The following HACL1 variants were observed in gnomAD, a reference collection of about 807,000 sequenced individuals.
The protein encoded by HACL1 is 1600020H07Rik.
Under a neutral mutation model 74.2 loss-of-function variants are expected in HACL1, and 64 were observed. The ratio of observed to expected loss-of-function variants is 0.86; its 90% CI spans 0.70 to 1.06. The LOEUF (loss-of-function observed/expected upper bound fraction) is 1.06. HACL1 is among the 50% of genes least tolerant of loss of function. HACL1 has a pLI of 0.00. For missense variants in HACL1, 728 were observed against 719.7 expected (o/e 1.01, Z -0.13); for synonymous variants, 230 against 238.8 (o/e 0.96, Z 0.34).
At chr3:15,574,292 C>T (rs963864482) in intron 10 of HACL1, among the ~76,000 whole-genome samples, 6 of 152,154 alleles carry the variant, frequency 3.9e-5, no homozygotes, top group African/African-American at 7.2e-5. Flanking sequence ...CACTTAAGCT[C>T]GAGAGGTTGA....
intron 10 of HACL1, among the ~76,000 whole-genome samples, chr3:15,573,471 AT>A (rs2063571769): frequency 6.6e-6 from 1 of 152,206 alleles, no homozygotes; most frequent in African/African-American, 2.4e-5. Context: ...ACTCTATGGA[AT>A]TTTGGTATTG....
chr3:15,600,601 C>A (rs1410641858), intron 2 of HACL1, among the ~76,000 whole-genome samples: 1 of 152,232 alleles, frequency 6.6e-6, no homozygotes, highest in Non-Finnish European at 1.5e-5. Flanking sequence ...ATCCTCCACC[C>A]TGCCCCGAAC....
At chr3:15,578,116 A>C (rs1316535372) in intron 9 of HACL1, among the ~76,000 whole-genome samples, 1 of 151,320 alleles carries the variant, frequency 6.6e-6, no homozygotes, top group Non-Finnish European at 1.5e-5. Flanking sequence ...AAAAAAAAAA[A>C]AACCAAAAAC....
At chr3:15,578,660 G>C (rs569598231) in intron 9 of HACL1, among the ~76,000 whole-genome samples, 1 of 152,234 alleles carries the variant, frequency 6.6e-6, no homozygotes, top group African/African-American at 2.4e-5. Context: ...TCCAAGCTCT[G>C]CTCTGAGGGC....
At chr3:15,598,016 G>T (rs974535937) in intron 2 of HACL1, among the ~76,000 whole-genome samples, 2 of 150,202 alleles carry the variant, frequency 1.3e-5, no homozygotes, top group Admixed American at 6.8e-5. Flanking sequence ...ATTTTGTTTT[G>T]TTTTGTTTTT....
intron 9 of HACL1, among the ~76,000 whole-genome samples, chr3:15,576,403 T>C (rs1230650509): frequency 3.3e-5 from 5 of 152,142 alleles, no homozygotes; most frequent in African/African-American, 1.2e-4. Context: ...AATTGCTTTC[T>C]AAAATATTAC....
chr3:15,566,403 T>C (rs897005415), intron 14 of HACL1, among the ~76,000 whole-genome samples: 2 of 152,178 alleles, frequency 1.3e-5, no homozygotes, highest in Non-Finnish European at 2.9e-5. Flanking sequence ...CCTGTAATTC[T>C]AGCACTTAGA....
chr3:15,577,475 T>C (rs541089730), intron 9 of HACL1, among the ~76,000 whole-genome samples: 1 of 151,824 alleles, frequency 6.6e-6, no homozygotes, highest in East Asian at 1.9e-4. Flanking sequence ...CCATAATTTT[T>C]TGCTTCCTAA....
chr3:15,594,199 G>A (rs1395784008), intron 3 of HACL1, among the ~76,000 whole-genome samples: 2 of 152,152 alleles, frequency 1.3e-5, no homozygotes, highest in Admixed American at 6.5e-5. Context: ...CTTGAGTCTA[G>A]GAGTTCAAGA....
At chr3:15,579,107 G>A (rs202070218) in intron 9 of HACL1, among the ~76,000 whole-genome samples, 6 of 152,250 alleles carry the variant, frequency 3.9e-5, no homozygotes, top group African/African-American at 7.2e-5. Context: ...ATCTAATCAC[G>A]TTGACTGATT....
At chr3:15,596,163 G>A (rs1487573611) in intron 3 of HACL1, 1 of 498,348 alleles carries the variant, frequency 2.0e-6, no homozygotes, top group Admixed American at 3.4e-5. Flanking sequence ...CTGATCACCA[G>A]TGATTCACTC....
chr3:15,586,559 C>G lies in HACL1; in HGVS notation c.425G>C (p.Ser142Thr). The change falls in exon 6 of 17, where the codon AGC becomes ACC. Residue 142 changes from serine to threonine, a missense_variant. Transcript: ENST00000321169. ...RLYTKFSARP[S>T]SIEAIPFVIE... ...AACAAAAGGAATAGCTTCTATGCTG[C>G]TTGGGCGGGCAGAGAACTTGGTATA... 2 of 1,601,086 alleles carry G rather than the reference C, an allele frequency of 1.2e-6. No homozygotes were observed. Among genetic ancestry groups the G allele is most frequent in the Non-Finnish European group, 1.7e-6 (2 of 1,169,322 alleles).
chr3:15,593,101 A>ATG (rs1255439576), intron 3 of HACL1, among the ~76,000 whole-genome samples: 3 of 145,952 alleles, frequency 2.1e-5, no homozygotes, highest in African/African-American at 7.8e-5. Flanking sequence ...ATATACATAT[A>ATG]TGTGTGTGTA....
rs192427408 is a variant in HACL1, at chr3:15,565,428, A to C, written c.1410-770T>G. On this transcript the variant is annotated intron_variant, in intron 14 of 16. Coordinates refer to ENST00000321169, the MANE Select transcript of HACL1 (RefSeq NM_012260.4). ...GATACACAAGTAACTAGCACACACA[A>C]TCTGCACTCAAACTACCACACACAT... Among the ~76,000 whole-genome samples, 96 of 152,352 alleles carry C rather than the reference A, an allele frequency of 6.3e-4. 1 individual carries two copies. Among genetic ancestry groups the C allele is most frequent in the African/African-American group, 2.2e-3 (91 of 41,578 alleles).
intron 8 of HACL1, among the ~76,000 whole-genome samples, chr3:15,581,750 GCACTTACTTGTTAC>G (rs879712942): frequency 7.9e-5 from 12 of 152,190 alleles, no homozygotes; most frequent in Non-Finnish European, 1.3e-4. Context: ...AGAACATACC[GCACTTACTTGTTAC>G]CAGGTCTATC....
intron 12 of HACL1, among the ~76,000 whole-genome samples, chr3:15,570,944 T>G (rs1028285771): frequency 2.0e-5 from 3 of 150,916 alleles, no homozygotes; most frequent in African/African-American, 7.3e-5. Flanking sequence ...ACCCAAGATT[T>G]AAGGATTCAA....
intron 4 of HACL1, among the ~76,000 whole-genome samples, chr3:15,590,609 A>T (rs2063874171): frequency 6.6e-6 from 1 of 152,224 alleles, no homozygotes; most frequent in Non-Finnish European, 1.5e-5. Context: ...TATAAAGCAA[A>T]CTAAATGAAT....
At chr3:15,583,117 C>CTA (rs2063740457) in intron 7 of HACL1, 128 bp from the exon 8 acceptor site, 1 of 551,558 alleles carries the variant, frequency 1.8e-6, no homozygotes, top group East Asian at 3.0e-5. Context: ...GTAGATCTAA[C>CTA]AACTTAATAT....
At position 15,568,555 on chromosome 3, in the gene HACL1, T is replaced by C; in HGVS notation, c.1127A>G (p.Asn376Ser). The change falls in exon 13 of 17, where the codon AAT (asparagine) becomes AGT (serine). Residue 376 changes from asparagine to serine, a missense_variant. By Grantham distance (46) the Asn-to-Ser change is conservative. Coordinates refer to ENST00000321169, the MANE Select transcript of HACL1 (RefSeq NM_012260.4). ...AACATGGTAGAATACTGTGTAATAA[T>C]TCATAGGCAGGGATTTTTTAGAAGC... ...ELASKKSLPM[N>S]YYTVFYHVQE... 9.5e-6 allele frequency: 15 copies of C among 1,571,112 alleles called. No homozygotes were observed. The highest frequency in any genetic ancestry group is 1.3e-5 in the Non-Finnish European group (15 of 1,150,196).
Sources: allele counts gnomAD v4.1 joint callset (sites outside exome capture counted in the v4.1 genomes callset), GRCh38; gene constraint gnomAD v4.1.1; transcripts MANE v1.5; gene names NCBI Gene and HGNC (gene_info 2026-07-23, HGNC 2026-07-21).